The following MYO1D variants were observed in gnomAD, a reference collection of about 807,000 sequenced individuals.
MYO1D encodes the protein myosin ID, also known as unconventional myosin-Id.
MYO1D carries 83 observed loss-of-function variants against 122.0 expected under a neutral mutation model. That is an observed-to-expected ratio of 0.68 (90% CI 0.57 to 0.82). The LOEUF (loss-of-function observed/expected upper bound fraction) is 0.82. MYO1D is among the 40% of genes least tolerant of loss of function. The probability of loss-of-function intolerance (pLI) is 0.00; values close to 1 mark genes in which losing one functional copy is unlikely to be tolerated. For synonymous variants in MYO1D, 464 were observed against 446.9 expected, an observed-to-expected ratio of 1.04 and a Z score of -0.48; for missense variants, 1,157 against 1,269.5, an observed-to-expected ratio of 0.91 and a Z score of 1.35.
At chr17:32,721,308 G>T in intron 14 of MYO1D, 119 bp from the exon 15 acceptor site, 3 of 892,920 alleles carry the variant, frequency 3.4e-6, no homozygotes, top group Non-Finnish European at 5.2e-6. Flanking sequence ...AATTTCTCAG[G>T]CATACACTTG....
At chr17:32,705,270 T>C (rs180693474) in intron 16 of MYO1D, among the ~76,000 whole-genome samples, 1 of 152,306 alleles carries the variant, frequency 6.6e-6, no homozygotes, top group East Asian at 1.9e-4. Context: ...TGTAATTCTT[T>C]TTTTTTTGAG....
At chr17:32,506,837 C>G (rs1056787264) in intron 21 of MYO1D, among the ~76,000 whole-genome samples, 2 of 151,958 alleles carry the variant, frequency 1.3e-5, no homozygotes, top group East Asian at 3.9e-4. Flanking sequence ...CATTAGAGAC[C>G]GGGTGCAGTG....
At chr17:32,795,810 T>C (rs1210025297) in intron 1 of MYO1D, among the ~76,000 whole-genome samples, 3 of 151,794 alleles carry the variant, frequency 2.0e-5, no homozygotes, top group Non-Finnish European at 4.4e-5. Flanking sequence ...GGGTACAACA[T>C]AGCAGTTACG....
intron 21 of MYO1D, among the ~76,000 whole-genome samples, chr17:32,540,811 A>G (rs1910816037): frequency 6.6e-6 from 1 of 151,748 alleles, no homozygotes; most frequent in Non-Finnish European, 1.5e-5. Flanking sequence ...CTGTAATCCC[A>G]GCTACTCAGG....
At chr17:32,619,595 C>T (rs1359773580) in intron 20 of MYO1D, among the ~76,000 whole-genome samples, 2 of 152,070 alleles carry the variant, frequency 1.3e-5, no homozygotes, top group Non-Finnish European at 2.9e-5. Flanking sequence ...TGTAAAAGCT[C>T]CCCAAGTGAT....
chr17:32,690,589 C>G (rs1448448678), intron 16 of MYO1D, among the ~76,000 whole-genome samples: 1 of 152,186 alleles, frequency 6.6e-6, no homozygotes, highest in Non-Finnish European at 1.5e-5. Flanking sequence ...GTAGGAGGGA[C>G]TGGATCACGG....
intron 21 of MYO1D, among the ~76,000 whole-genome samples, chr17:32,519,609 C>G (rs940855545): frequency 6.6e-6 from 1 of 151,792 alleles, no homozygotes; most frequent in African/African-American, 2.4e-5. Flanking sequence ...TGCAGCCCCC[C>G]GCAGCCCCGG....
intron 13 of MYO1D, among the ~76,000 whole-genome samples, chr17:32,739,288 A>G (rs1038435055): frequency 1.5e-4 from 23 of 151,796 alleles, no homozygotes; most frequent in Non-Finnish European, 3.4e-4. Context: ...TGTGGCACAT[A>G]TACACCATGG....
Position 32,721,078 on chromosome 17 carries a change from T to C in MYO1D, c.1858A>G (p.Arg620Gly), listed in dbSNP as rs535318422. ...AAGGCAAATCCTGCCCGACGCACTC[T>C]CACATTTTCCAGTAGTCCAAGATAT... ...VEYLGLLENV[R>G]VRRAGFAFRQ... The change falls in exon 15 of 22, where the codon AGA (arginine) becomes GGA (glycine). Residue 620 changes from arginine (R) to glycine (G), a missense_variant. Coordinates refer to ENST00000318217, the MANE Select transcript of MYO1D (RefSeq NM_015194.3). 5.0e-6 allele frequency: 8 copies of C among 1,614,194 alleles called. No homozygotes were observed. The African/African-American group carries it at 1.1e-4, about 22-fold the overall frequency.
intron 21 of MYO1D, among the ~76,000 whole-genome samples, chr17:32,548,113 G>A (rs903548280): frequency 6.6e-5 from 10 of 152,022 alleles, no homozygotes; most frequent in African/African-American, 2.4e-4. Flanking sequence ...AAGAAATTTG[G>A]CTCTGGCCAA....
At chr17:32,795,734 C>A (rs1316521987) in intron 1 of MYO1D, among the ~76,000 whole-genome samples, 1 of 151,906 alleles carries the variant, frequency 6.6e-6, no homozygotes, top group East Asian at 1.9e-4. Context: ...GCCAGCAAGA[C>A]AGCAGAAGGA....
chr17:32,589,201 G>A (rs907980502), intron 21 of MYO1D, among the ~76,000 whole-genome samples: 1 of 152,184 alleles, frequency 6.6e-6, no homozygotes, highest in African/African-American at 2.4e-5. Flanking sequence ...TCGTGGGGAG[G>A]CAGACCTGGG....
chr17:32,735,832 T>C (rs4598957), intron 14 of MYO1D, among the ~76,000 whole-genome samples: 3,792 of 152,286 alleles, frequency 0.025, 77 homozygotes, highest in Middle Eastern at 0.054. Context: ...TTAAATTCTA[T>C]GTTCTTTCAC....
intron 1 of MYO1D, among the ~76,000 whole-genome samples, chr17:32,821,901 T>C (rs914275759): frequency 3.3e-5 from 5 of 152,060 alleles, no homozygotes; most frequent in Admixed American, 1.3e-4. Context: ...TGTGGAGAAA[T>C]AGGAACACTT....
chr17:32,775,112 G>A (rs2090159740), intron 4 of MYO1D, among the ~76,000 whole-genome samples: 1 of 152,050 alleles, frequency 6.6e-6, no homozygotes, highest in Non-Finnish European at 1.5e-5. Flanking sequence ...ACCAGCCTGG[G>A]CAACACAGGG....
intron 21 of MYO1D, among the ~76,000 whole-genome samples, chr17:32,544,051 C>T (rs909196058): frequency 6.6e-6 from 1 of 151,880 alleles, no homozygotes; most frequent in African/African-American, 2.4e-5. Flanking sequence ...CCTTGGCCTC[C>T]CAAAGTGCTG....
intron 4 of MYO1D, among the ~76,000 whole-genome samples, chr17:32,774,296 A>G (rs1298779785): frequency 6.6e-6 from 1 of 152,194 alleles, no homozygotes; most frequent in Non-Finnish European, 1.5e-5. Flanking sequence ...AGTCTTCTCT[A>G]TGGGGTTTCC....
intron 11 of MYO1D, among the ~76,000 whole-genome samples, chr17:32,754,751 G>A (rs2089930117): frequency 6.6e-6 from 1 of 152,204 alleles, no homozygotes; most frequent in Non-Finnish European, 1.5e-5. Flanking sequence ...ACTATGGGTA[G>A]GGAAGTCTCA....
At chr17:32,560,899 T>A (rs2087119078) in intron 21 of MYO1D, among the ~76,000 whole-genome samples, 1 of 150,638 alleles carries the variant, frequency 6.6e-6, no homozygotes, top group Admixed American at 6.6e-5. Flanking sequence ...ATTACAGGCA[T>A]GAGCCACTAT....
Sources: allele counts gnomAD v4.1 joint callset (sites outside exome capture counted in the v4.1 genomes callset), GRCh38; gene constraint gnomAD v4.1.1; transcripts MANE v1.5; gene names NCBI Gene and HGNC (gene_info 2026-07-23, HGNC 2026-07-21).